Variants in LRMDA observed in about 807,000 individuals in gnomAD.
The protein encoded by LRMDA is leucine rich melanocyte differentiation associated, also known as leucine-rich melanocyte differentiation-associated protein.
In LRMDA, 18 loss-of-function variants were observed where a neutral mutation model predicts 29.8. The observed-to-expected ratio is 0.60, with a 90% CI of 0.42 to 0.90. LRMDA has a LOEUF of 0.90. LRMDA is among the 40% of genes least tolerant of loss of function. The pLI is 0.00. For missense variants in LRMDA, 273 were observed against 273.9 expected (o/e 1.00, Z 0.02); for synonymous variants, 125 against 109.4 (o/e 1.14, Z -0.89).
intron 2 of LRMDA, among the ~76,000 whole-genome samples, chr10:75,464,735 A>G (rs773201473): frequency 4.2e-4 from 64 of 152,218 alleles, no homozygotes; most frequent in Non-Finnish European, 5.7e-4. Context: ...GACCCCCAGC[A>G]AAGTTAGACA....
intron 2 of LRMDA, among the ~76,000 whole-genome samples, chr10:75,911,649 G>A (rs1426535315): frequency 6.6e-6 from 1 of 152,216 alleles, no homozygotes; most frequent in African/African-American, 2.4e-5. Flanking sequence ...TGATTCAGGA[G>A]TTGGGGTAGT....
At chr10:76,100,148 TAAA>T in intron 5 of LRMDA, among the ~76,000 whole-genome samples, 2 of 152,342 alleles carry the variant, frequency 1.3e-5, no homozygotes, top group African/African-American at 4.8e-5. Context: ...GTGTTCCTGA[TAAA>T]TGACCTCTTC....
chr10:76,529,615 T>G (rs924962792), intron 6 of LRMDA, among the ~76,000 whole-genome samples: 4 of 152,148 alleles, frequency 2.6e-5, no homozygotes, highest in African/African-American at 4.8e-5. Flanking sequence ...CAAACTACAA[T>G]TAATGGCTCA....
At chr10:76,468,193 G>A (rs1340038281) in intron 6 of LRMDA, among the ~76,000 whole-genome samples, 1 of 152,146 alleles carries the variant, frequency 6.6e-6, no homozygotes, top group Non-Finnish European at 1.5e-5. Flanking sequence ...GCCACTATAT[G>A]TTTTGTCACC....
chr10:76,354,169 G>T (rs1841211890), intron 6 of LRMDA, among the ~76,000 whole-genome samples: 1 of 152,114 alleles, frequency 6.6e-6, no homozygotes, highest in African/African-American at 2.4e-5. Context: ...ATGGCTCAGG[G>T]TATAATATTA....
intron 4 of LRMDA, among the ~76,000 whole-genome samples, chr10:76,057,008 C>T (rs550657520): frequency 9.3e-4 from 142 of 152,260 alleles, no homozygotes; most frequent in Non-Finnish European, 1.7e-3. Context: ...GACCACCTTA[C>T]GAATGTGGAA....
intron 2 of LRMDA, among the ~76,000 whole-genome samples, chr10:75,782,496 T>G (rs1394745955): frequency 6.6e-6 from 1 of 152,210 alleles, no homozygotes; most frequent in Admixed American, 6.5e-5. Context: ...GGGTGATTTT[T>G]CACCGGCTTC....
chr10:75,924,089 C>A (rs1846075634), intron 2 of LRMDA, among the ~76,000 whole-genome samples: 1 of 152,148 alleles, frequency 6.6e-6, no homozygotes. Flanking sequence ...TCAGCTAATG[C>A]CTCAAAATTA....
chr10:76,110,769 C>T (rs11818116), intron 5 of LRMDA, among the ~76,000 whole-genome samples: 1 of 152,206 alleles, frequency 6.6e-6, no homozygotes, highest in Non-Finnish European at 1.5e-5. Context: ...CCTCCCCAGC[C>T]ATGTGGAACT....
intron 2 of LRMDA, among the ~76,000 whole-genome samples, chr10:75,749,073 C>T (rs915314960): frequency 6.6e-6 from 1 of 152,040 alleles, no homozygotes. Context: ...AAGACCAACC[C>T]CCACTTCTTC....
At chr10:75,433,629 G>T (rs1444383732) in intron 1 of LRMDA, among the ~76,000 whole-genome samples, 1 of 152,134 alleles carries the variant, frequency 6.6e-6, no homozygotes, top group Non-Finnish European at 1.5e-5. Flanking sequence ...TAGCACCTTG[G>T]ATGTGGGTAG....
In LRMDA at chr10:75,548,936, A is replaced by G. The variant is rs1840111179; in HGVS notation, c.131+110442A>G. 2.6e-5 allele frequency among the ~76,000 whole-genome samples: 4 copies of G among 152,258 alleles called. No homozygotes were observed. The South Asian group carries it at 6.2e-4, about 24-fold the overall frequency. On this transcript the variant is annotated intron_variant, in intron 2 of 6. Coordinates refer to ENST00000611255, the MANE Select transcript of LRMDA (RefSeq NM_001305581.2). ...TTAAGAGTTATTTATTATTACTGTT[A>G]TTAGTTTATTACTACAATTTCCTAT...
At chr10:76,043,411 C>T (rs1434067836) in intron 3 of LRMDA, among the ~76,000 whole-genome samples, 3 of 152,108 alleles carry the variant, frequency 2.0e-5, no homozygotes, top group Non-Finnish European at 4.4e-5. Flanking sequence ...AAATGTTACT[C>T]CTACACAATG....
At chr10:75,601,648 T>C (rs953898611) in intron 2 of LRMDA, among the ~76,000 whole-genome samples, 5 of 152,160 alleles carry the variant, frequency 3.3e-5, no homozygotes, top group Non-Finnish European at 7.3e-5. Flanking sequence ...CATTGGTAAT[T>C]TGGTATTAAA....
chr10:75,886,891 G>A (rs1845400721), intron 2 of LRMDA, among the ~76,000 whole-genome samples: 1 of 152,014 alleles, frequency 6.6e-6, no homozygotes, highest in African/African-American at 2.4e-5. Flanking sequence ...AAATCGTCAG[G>A]GCCCTTTACT....
chr10:76,075,603 A>G (rs974248567), intron 5 of LRMDA, among the ~76,000 whole-genome samples: 1 of 152,242 alleles, frequency 6.6e-6, no homozygotes, highest in Admixed American at 6.5e-5. Context: ...AGCATCTACC[A>G]TACTGAGCAC....
At chr10:75,562,938 C>T (rs1468055920) in intron 2 of LRMDA, among the ~76,000 whole-genome samples, 5 of 152,120 alleles carry the variant, frequency 3.3e-5, no homozygotes, top group African/African-American at 7.2e-5. Context: ...GGTAACCCGA[C>T]CTTTCTCTCT....
At chr10:76,269,577 A>G (rs1377215500) in intron 5 of LRMDA, among the ~76,000 whole-genome samples, 6 of 152,142 alleles carry the variant, frequency 3.9e-5, no homozygotes, top group Non-Finnish European at 8.8e-5. Flanking sequence ...GTTTTGAATG[A>G]AAAAATTGTG....
At chr10:76,432,591 C>T (rs77362167) in intron 6 of LRMDA, among the ~76,000 whole-genome samples, 9,446 of 152,186 alleles carry the variant, frequency 0.062, 546 homozygotes, top group African/African-American at 0.14. Flanking sequence ...CATTTTTATC[C>T]ATTCAATACA....
Sources: gnomAD v4.1 joint callset for allele counts (sites outside exome capture counted in the v4.1 genomes callset) on GRCh38, gnomAD v4.1.1 for gene constraint, MANE v1.5 for transcripts, NCBI Gene and HGNC (gene_info 2026-07-23, HGNC 2026-07-21) for gene names.